NRG3: variants seen among roughly 807,000 people sequenced by gnomAD.
NRG3 encodes neuregulin 3.
Under a neutral mutation model 66.9 loss-of-function variants are expected in NRG3, and 31 were observed. That is an observed-to-expected ratio of 0.46 (90% CI 0.35 to 0.63). The LOEUF is 0.63. Among genes scored for constraint, NRG3 ranks in the 20% least tolerant of loss-of-function variants. The pLI is 0.00. For missense variants in NRG3, 910 were observed against 878.9 expected (o/e 1.04, Z -0.45); for synonymous variants, 393 against 359.4 (o/e 1.09, Z -1.06).
At chr10:82,244,568 T>C (rs1452917232) in intron 1 of NRG3, among the ~76,000 whole-genome samples, 4 of 152,180 alleles carry the variant, frequency 2.6e-5, no homozygotes, top group Non-Finnish European at 5.9e-5. Flanking sequence ...TTCTCAAAAA[T>C]ATTTTGCTTT....
At chr10:82,610,613 C>T (rs900778836) in intron 2 of NRG3, among the ~76,000 whole-genome samples, 22 of 151,970 alleles carry the variant, frequency 1.4e-4, no homozygotes, top group African/African-American at 5.1e-4. Context: ...AATTTTGTAC[C>T]CCTAATACTT....
At chr10:82,664,100 C>T (rs1219976677) in intron 2 of NRG3, among the ~76,000 whole-genome samples, 1 of 152,160 alleles carries the variant, frequency 6.6e-6, no homozygotes, top group East Asian at 1.9e-4. Context: ...ATCTGCTTTT[C>T]TCTTACACCT....
intron 2 of NRG3, among the ~76,000 whole-genome samples, chr10:82,375,855 A>T (rs1245602488): frequency 6.6e-6 from 1 of 152,218 alleles, no homozygotes; most frequent in Non-Finnish European, 1.5e-5. Flanking sequence ...CTGTTTCAGT[A>T]TATGCGTTTA....
intron 1 of NRG3, among the ~76,000 whole-genome samples, chr10:82,084,949 A>G (rs1317185962): frequency 6.6e-6 from 1 of 152,146 alleles, no homozygotes; most frequent in Non-Finnish European, 1.5e-5. Flanking sequence ...GTCCTCGCAC[A>G]CAGGCTGAAA....
intron 2 of NRG3, among the ~76,000 whole-genome samples, chr10:82,615,076 A>C (rs1298845378): frequency 6.6e-6 from 1 of 152,188 alleles, no homozygotes; most frequent in African/African-American, 2.4e-5. Flanking sequence ...GTGAGTCCAG[A>C]TGTCACTGAT....
At chr10:82,774,418 T>A (rs1214448490) in intron 3 of NRG3, among the ~76,000 whole-genome samples, 1 of 152,146 alleles carries the variant, frequency 6.6e-6, no homozygotes, top group Non-Finnish European at 1.5e-5. Context: ...TGTTTAAAAG[T>A]TTTTAATGTC....
chr10:82,644,812 A>G (rs954933123), intron 2 of NRG3, among the ~76,000 whole-genome samples: 16 of 152,166 alleles, frequency 1.1e-4, no homozygotes, highest in Admixed American at 9.8e-4. Flanking sequence ...ACAGAAAAGT[A>G]TGCTAAGACA....
At chr10:82,300,827 C>A (rs1053154928) in intron 1 of NRG3, among the ~76,000 whole-genome samples, 6 of 152,110 alleles carry the variant, frequency 3.9e-5, no homozygotes, top group East Asian at 1.9e-4. Flanking sequence ...CACACACACA[C>A]AAAAACACCT....
chr10:82,931,957 G>A (rs1461470679), intron 4 of NRG3, among the ~76,000 whole-genome samples: 1 of 152,168 alleles, frequency 6.6e-6, no homozygotes, highest in African/African-American at 2.4e-5. Flanking sequence ...TTTGTGAAAT[G>A]AAGATAAAAT....
chr10:82,894,467 C>A (rs950205144), intron 4 of NRG3, among the ~76,000 whole-genome samples: 3 of 151,966 alleles, frequency 2.0e-5, no homozygotes, highest in Non-Finnish European at 4.4e-5. Context: ...ACATATAAAC[C>A]AATTTGTGTC....
intron 1 of NRG3, among the ~76,000 whole-genome samples, chr10:81,884,389 TAAAG>T (rs1842432768): frequency 6.6e-6 from 1 of 152,204 alleles, no homozygotes; most frequent in South Asian, 2.1e-4. Flanking sequence ...CGGTAAAAGA[TAAAG>T]AATATGTTGT....
intron 1 of NRG3, among the ~76,000 whole-genome samples, chr10:82,236,331 C>T (rs906646817): frequency 6.6e-6 from 1 of 152,182 alleles, no homozygotes; most frequent in Non-Finnish European, 1.5e-5. Context: ...TTGTTCACAA[C>T]CAAGGCCTGC....
intron 1 of NRG3, among the ~76,000 whole-genome samples, chr10:82,103,366 G>A (rs1472114103): frequency 6.6e-6 from 1 of 152,088 alleles, no homozygotes; most frequent in African/African-American, 2.4e-5. Context: ...GTGACATTAT[G>A]GATCTTTCAA....
chr10:82,231,521 A>G (rs893649159), intron 1 of NRG3, among the ~76,000 whole-genome samples: 2 of 152,174 alleles, frequency 1.3e-5, no homozygotes, highest in South Asian at 4.1e-4. Context: ...ACTGAAACAC[A>G]ATATAACTAA....
At chr10:82,384,572 C>T (rs1662187065) in intron 2 of NRG3, among the ~76,000 whole-genome samples, 1 of 152,106 alleles carries the variant, frequency 6.6e-6, no homozygotes, top group African/African-American at 2.4e-5. Context: ...GGGTAATGGC[C>T]TCCAGTTGCA....
intron 1 of NRG3, among the ~76,000 whole-genome samples, chr10:82,234,559 C>A (rs1446353739): frequency 6.6e-6 from 1 of 152,184 alleles, no homozygotes; most frequent in Admixed American, 6.5e-5. Flanking sequence ...CAAGGGTAGA[C>A]ACATGCAGGA....
intron 1 of NRG3, among the ~76,000 whole-genome samples, chr10:82,137,538 C>G (rs2069460077): frequency 6.6e-6 from 1 of 152,120 alleles, no homozygotes; most frequent in Non-Finnish European, 1.5e-5. Flanking sequence ...GCAGAAATTA[C>G]TGTTTGGTAG....
intron 3 of NRG3, among the ~76,000 whole-genome samples, chr10:82,831,386 T>G (rs765847150): frequency 2.0e-5 from 3 of 152,330 alleles, no homozygotes; most frequent in Middle Eastern, 6.8e-3. Flanking sequence ...TGATGTGAAC[T>G]GACTATCCAG....
chr10:82,454,545 G>T (rs1258739181), intron 2 of NRG3, among the ~76,000 whole-genome samples: 1 of 152,308 alleles, frequency 6.6e-6, no homozygotes, highest in East Asian at 1.9e-4. Flanking sequence ...TATTAAGCTA[G>T]TATTTACAAT....
Sources: allele counts gnomAD v4.1 joint callset (sites outside exome capture counted in the v4.1 genomes callset), GRCh38; gene constraint gnomAD v4.1.1; transcripts MANE v1.5; gene names NCBI Gene and HGNC (gene_info 2026-07-23, HGNC 2026-07-21).